HSPBAP1: variants seen among roughly 807,000 people sequenced by gnomAD.
HSPBAP1 encodes the protein HSPB1 associated protein 1.
HSPBAP1 carries 27 observed loss-of-function variants against 45.2 expected under a neutral mutation model. The observed-to-expected ratio is 0.60, with a 90% CI of 0.44 to 0.82. The LOEUF is 0.82. Among genes scored for constraint, HSPBAP1 ranks in the 40% least tolerant of loss-of-function variants. The pLI is 0.00. For synonymous variants in HSPBAP1, 204 were observed against 202.7 expected, an observed-to-expected ratio of 1.01 and a Z score of -0.06; for missense variants, 510 against 590.9, an observed-to-expected ratio of 0.86 and a Z score of 1.42.
At chr3:122,790,282 G>GT (rs911369001) in intron 1 of HSPBAP1, among the ~76,000 whole-genome samples, 13 of 152,136 alleles carry the variant, frequency 8.5e-5, no homozygotes, top group African/African-American at 3.1e-4. Context: ...CAGCATTTCT[G>GT]TTTTCACCCT....
At chr3:122,757,851 A>G (rs1247903704) in intron 4 of HSPBAP1, among the ~76,000 whole-genome samples, 2 of 152,348 alleles carry the variant, frequency 1.3e-5, no homozygotes, top group East Asian at 3.9e-4. Context: ...GAACACATGG[A>G]CAGCAGCTAC....
intron 6 of HSPBAP1, among the ~76,000 whole-genome samples, chr3:122,751,390 G>C (rs1031807885): frequency 2.0e-5 from 3 of 152,132 alleles, no homozygotes; most frequent in Admixed American, 1.3e-4. Context: ...ATGTTAGACA[G>C]CTAACAAAGG....
At chr3:122,743,387 A>G (rs903075800) in intron 6 of HSPBAP1, among the ~76,000 whole-genome samples, 2 of 152,082 alleles carry the variant, frequency 1.3e-5, no homozygotes, top group African/African-American at 4.8e-5. Context: ...TTCAACTTGG[A>G]GAAACCCCGT....
In HSPBAP1 at chr3:122,746,271, A is replaced by G. The variant is rs940441181; in HGVS notation, c.826-5158T>C. Among the ~76,000 whole-genome samples the G allele has an allele frequency of 1.6e-4, 22 of 138,278 alleles. 1 individual carries two copies. The highest frequency in any genetic ancestry group is 5.6e-4 in the African/African-American group (21 of 37,344). 90.7% of individuals were successfully genotyped at this position (138,278 alleles called of 152,430 possible). A position where few individuals can be genotyped will look rare whatever the true frequency, so the allele number is the denominator to read the frequency against. On this transcript the variant is annotated intron_variant, in intron 6 of 7. Transcript: ENST00000306103. ...CATCATAAAGCTCAGATAAAATTTA[A>G]TATGGATCAAAAAAAAAATCAAAAG... is the stretch of plus-strand genomic sequence containing the variant.
intron 1 of HSPBAP1, among the ~76,000 whole-genome samples, chr3:122,788,489 A>G (rs1049678272): frequency 6.6e-6 from 1 of 152,214 alleles, no homozygotes; most frequent in African/African-American, 2.4e-5. Flanking sequence ...TCTTGAAAAG[A>G]CATCTGCACA....
chr3:122,742,674 T>C (rs1320449069), intron 6 of HSPBAP1, among the ~76,000 whole-genome samples: 1 of 152,230 alleles, frequency 6.6e-6, no homozygotes, highest in Admixed American at 6.5e-5. Context: ...GAGATTATAC[T>C]CAATAATGTA....
Position 122,752,694 on chromosome 3 carries a change from T to C in HSPBAP1, c.742-20A>G, listed in dbSNP as rs1489171195. On this transcript the variant is annotated intron_variant, in intron 5 of 7. Transcript: ENST00000306103. ...GAGAACCTGAAAACCAAACAAAGAA[T>C]GGTTAGCACAAGAACAGGACGTTTC... 3.2e-6 allele frequency: 5 copies of C among 1,576,816 alleles called. No homozygotes were observed. Among genetic ancestry groups the C allele is most frequent in the Non-Finnish European group, 4.3e-6 (5 of 1,158,610 alleles).
intron 3 of HSPBAP1, among the ~76,000 whole-genome samples, chr3:122,763,910 T>TC (rs1260365390): frequency 6.6e-6 from 1 of 152,218 alleles, no homozygotes; most frequent in Non-Finnish European, 1.5e-5. Context: ...CTGTCCAATC[T>TC]CCCCACTGAC....
intron 4 of HSPBAP1, among the ~76,000 whole-genome samples, chr3:122,757,919 TAG>T (rs1421962631): frequency 6.6e-6 from 1 of 152,234 alleles, no homozygotes; most frequent in Non-Finnish European, 1.5e-5. Flanking sequence ...TCCACAAGGA[TAG>T]AGACCACACT....
intron 6 of HSPBAP1, among the ~76,000 whole-genome samples, chr3:122,742,445 A>G (rs1933702442): frequency 6.6e-6 from 1 of 152,226 alleles, no homozygotes; most frequent in Admixed American, 6.5e-5. Flanking sequence ...AGAAATCAGA[A>G]TCTTCATACA....
At chr3:122,742,173 A>G (rs1444875599) in intron 6 of HSPBAP1, among the ~76,000 whole-genome samples, 3 of 149,244 alleles carry the variant, frequency 2.0e-5, no homozygotes, top group Non-Finnish European at 4.4e-5. Context: ...TTATTGATAT[A>G]TATACATATA....
chr3:122,761,794 CA>C (rs572486620), intron 3 of HSPBAP1: 5,305 of 53,876 alleles, frequency 0.098, 266 homozygotes, highest in African/African-American at 0.25. Context: ...GACCTTGTCT[CA>C]AAAAAAAAAA....
At chr3:122,780,682 G>A (rs1306800694) in intron 1 of HSPBAP1, among the ~76,000 whole-genome samples, 2 of 151,178 alleles carry the variant, frequency 1.3e-5, no homozygotes, top group Non-Finnish European at 3.0e-5. Flanking sequence ...CCCGGACGGG[G>A]TGGCTGCCGG....
intron 1 of HSPBAP1, among the ~76,000 whole-genome samples, chr3:122,778,765 C>G (rs376646400): frequency 1.3e-5 from 2 of 152,070 alleles, no homozygotes; most frequent in African/African-American, 4.8e-5. Context: ...CTCCTGACCT[C>G]GTGATCCACC....
intron 1 of HSPBAP1, among the ~76,000 whole-genome samples, chr3:122,790,397 C>G (rs527566122): frequency 6.6e-6 from 1 of 152,146 alleles, no homozygotes; most frequent in Non-Finnish European, 1.5e-5. Context: ...GGCTCATCTT[C>G]AAGAAATTAT....
At chr3:122,771,515 C>A (rs916899637) in intron 2 of HSPBAP1, among the ~76,000 whole-genome samples, 1 of 152,188 alleles carries the variant, frequency 6.6e-6, no homozygotes, top group Non-Finnish European at 1.5e-5. Flanking sequence ...AGTTTCTGCA[C>A]AACAGGATAA....
In HSPBAP1 at chr3:122,752,851, C is replaced by T. The variant is rs531359706; in HGVS notation, c.742-177G>A. ...CCGCAAACCTTTTTTCCTTTTATTCCTTTTTTATTGACAAGTTCACATGTT... is the reference window on the plus strand; with the variant it reads ...CCGCAAACCTTTTTTCCTTTTATTCTTTTTTTATTGACAAGTTCACATGTT... On this transcript the variant is annotated intron_variant, in intron 5 of 7. Coordinates refer to ENST00000306103, the MANE Select transcript of HSPBAP1 (RefSeq NM_024610.6). The T allele has an allele frequency of 1.7e-5, 23 of 1,369,996 alleles. 1 individual carries two copies. In the South Asian group the frequency reaches 3.4e-4, roughly 20 times the overall value. The allele number at this position is 1,369,996 out of a possible 1,614,324, so 84.9% of individuals were successfully genotyped here. A position where few individuals can be genotyped will look rare whatever the true frequency, so the allele number is the denominator to read the frequency against.
Position 122,793,734 on chromosome 3 carries a change from G to T in HSPBAP1, c.-54C>A. On this transcript the variant is annotated 5_prime_UTR_variant, in exon 1 of 8. Coordinates refer to ENST00000306103, the MANE Select transcript of HSPBAP1 (RefSeq NM_024610.6). ...CCCAAGGCGGAGCGGAGCTGGGGTG[G>T]GGTCAGAGTAGGGGCCAAACTCCGA... The T allele has an allele frequency of 6.4e-7, 1 of 1,571,992 alleles. No individual in the cohort carries two copies. The highest frequency in any genetic ancestry group is 8.7e-7 in the Non-Finnish European group (1 of 1,143,866).
intron 4 of HSPBAP1, among the ~76,000 whole-genome samples, chr3:122,757,404 G>C (rs1028029636): frequency 1.3e-5 from 2 of 152,120 alleles, no homozygotes; most frequent in Admixed American, 6.5e-5. Flanking sequence ...TGGGTCTTTT[G>C]AGCACTTATC....
Sources: allele counts gnomAD v4.1 joint callset (sites outside exome capture counted in the v4.1 genomes callset), GRCh38; gene constraint gnomAD v4.1.1; transcripts MANE v1.5; gene names NCBI Gene and HGNC (gene_info 2026-07-23, HGNC 2026-07-21).